Variants in CACNA1C observed in about 807,000 individuals in gnomAD.
The protein encoded by CACNA1C is voltage-dependent L-type calcium channel subunit alpha-1C.
In CACNA1C, 30 loss-of-function variants were observed where a neutral mutation model predicts 229.0. The observed-to-expected ratio is 0.13, with a 90% CI of 0.10 to 0.18. The LOEUF (loss-of-function observed/expected upper bound fraction) is 0.18. CACNA1C is among the 10% of genes least tolerant of loss of function. The probability of loss-of-function intolerance (pLI) is 1.00; values close to 1 mark genes in which losing one functional copy is unlikely to be tolerated. For synonymous variants in CACNA1C, 1,114 were observed against 1,132.5 expected, an observed-to-expected ratio of 0.98 and a Z score of 0.33; for missense variants, 1,658 against 2,845.0, an observed-to-expected ratio of 0.58 and a Z score of 9.49.
chr12:2,608,800 G>C lies in CACNA1C; in HGVS notation c.3558+88G>C. On this transcript the variant is annotated intron_variant, in intron 27 of 46. Transcript: ENST00000399655. The surrounding 1 kb of genome is among the most constrained non-coding windows in gnomAD (Gnocchi z 4.2). Reference sequence around the variant, plus strand: ...CACCCCGCAGAGGGGCTGCGACAGGGAGAGGCCGTGCAGATACTGAGATCG... The same window carrying C: ...CACCCCGCAGAGGGGCTGCGACAGGCAGAGGCCGTGCAGATACTGAGATCG... 1 of 1,318,126 alleles carries C rather than the reference G, an allele frequency of 7.6e-7. No individual in the cohort carries two copies. Among genetic ancestry groups the C allele is most frequent in the Non-Finnish European group, 1.1e-6 (1 of 936,504 alleles). The allele number at this position is 1,318,126 out of a possible 1,614,324, so 81.7% of individuals were successfully genotyped here.
At chr12:2,375,272 T>G (rs2098014886) in intron 3 of CACNA1C, among the ~76,000 whole-genome samples, 1 of 152,128 alleles carries the variant, frequency 6.6e-6, no homozygotes, top group African/African-American at 2.4e-5. Context: ...GCTGCCTCAG[T>G]GGGACAGGTT....
intron 5 of CACNA1C, among the ~76,000 whole-genome samples, chr12:2,484,922 T>A (rs936835447): frequency 8.6e-5 from 13 of 151,272 alleles, no homozygotes; most frequent in Admixed American, 4.6e-4. Flanking sequence ...TTTTTTTTTT[T>A]ATCTTCCCAG....
At chr12:2,326,653 C>A (rs1387069418) in intron 3 of CACNA1C, among the ~76,000 whole-genome samples, 1 of 152,240 alleles carries the variant, frequency 6.6e-6, no homozygotes, top group Non-Finnish European at 1.5e-5. Context: ...TACCTGCCTG[C>A]AACTCTTGGC....
At chr12:2,466,833 C>T (rs1234229292) in intron 5 of CACNA1C, among the ~76,000 whole-genome samples, 2 of 152,142 alleles carry the variant, frequency 1.3e-5, no homozygotes, top group Non-Finnish European at 2.9e-5. Context: ...ACATGCTCAT[C>T]CCCACCGCAC....
rs1449740971 is a variant in CACNA1C, at chr12:2,493,831, A to AT, written c.1113+446dup. On this transcript the variant is annotated intron_variant, in intron 7 of 46. Coordinates refer to ENST00000399655, the MANE Select transcript of CACNA1C (RefSeq NM_000719.7). The surrounding 1 kb of genome is among the most constrained non-coding windows in gnomAD (Gnocchi z 4.6). ...AGTCCTGATCTTCTAAAAAGAAGTT[A>AT]TATAAAGAAACCATTTTTATTGAAT... 1.3e-5 allele frequency among the ~76,000 whole-genome samples: 2 copies of AT among 152,236 alleles called. No homozygotes were observed. The highest frequency in any genetic ancestry group is 6.5e-5 in the Admixed American group (1 of 15,290).
chr12:2,089,428 C>T lies in CACNA1C; in HGVS notation c.50-25796C>T, dbSNP rs117735529. Among the ~76,000 whole-genome samples, 66 of 152,296 alleles carry T rather than the reference C, an allele frequency of 4.3e-4. 1 individual carries two copies. In the East Asian group the frequency reaches 0.013, roughly 29 times the overall value. On this transcript the variant is annotated intron_variant, in intron 1 of 46. Coordinates refer to ENST00000399655, the MANE Select transcript of CACNA1C (RefSeq NM_000719.7). Reference sequence around the variant, plus strand: ...ACCATGCTGGACGCCGTGCGAGGTACTTGGAGTAGTAAGACTTGACTCCTG... The same window carrying T: ...ACCATGCTGGACGCCGTGCGAGGTATTTGGAGTAGTAAGACTTGACTCCTG...
At chr12:2,155,723 G>A (rs959742458) in intron 3 of CACNA1C, among the ~76,000 whole-genome samples, 9 of 152,096 alleles carry the variant, frequency 5.9e-5, no homozygotes, top group South Asian at 2.1e-4. Flanking sequence ...CTTTCCTAGC[G>A]AAAACGGGCA....
chr12:2,384,914 C>T (rs2154546623), intron 3 of CACNA1C, among the ~76,000 whole-genome samples: 1 of 152,328 alleles, frequency 6.6e-6, no homozygotes, highest in Non-Finnish European at 1.5e-5. Context: ...AGGTACGTCT[C>T]TGTCCCATTC....
At chr12:2,499,094 G>A (rs2099753171) in intron 7 of CACNA1C, among the ~76,000 whole-genome samples, 1 of 152,130 alleles carries the variant, frequency 6.6e-6, no homozygotes, top group Non-Finnish European at 1.5e-5. Context: ...TGCAGGGGTG[G>A]GGAGCAGCCA....
Position 2,590,882 on chromosome 12 carries a change from A to G in CACNA1C, c.2531-2331A>G, listed in dbSNP as rs981852432. ...CTGAAAAGAATACAAACACCTAGGC[A>G]GGAATTTAAGATCCTTCTCAATTAA... On this transcript the variant is annotated intron_variant, in intron 18 of 46. Transcript: ENST00000399655. Among the ~76,000 whole-genome samples, 5 of 152,244 alleles carry G rather than the reference A, an allele frequency of 3.3e-5. No individual in the cohort carries two copies. The South Asian group carries it at 1.0e-3, about 32-fold the overall frequency.
At chr12:2,453,807 C>T (rs1359748544) in intron 4 of CACNA1C, among the ~76,000 whole-genome samples, 1 of 152,220 alleles carries the variant, frequency 6.6e-6, no homozygotes, top group Non-Finnish European at 1.5e-5. Context: ...CCAGCTACTC[C>T]ACCCTGCCCA....
At chr12:2,111,547 G>T (rs1460554708) in intron 1 of CACNA1C, among the ~76,000 whole-genome samples, 1 of 151,836 alleles carries the variant, frequency 6.6e-6, no homozygotes, top group African/African-American at 2.4e-5. Flanking sequence ...AAAGATTAAG[G>T]TCTGGGGACA....
At chr12:2,107,943 T>C (rs2079865239) in intron 1 of CACNA1C, among the ~76,000 whole-genome samples, 2 of 152,242 alleles carry the variant, frequency 1.3e-5, no homozygotes, top group South Asian at 2.1e-4. Context: ...TGGGCGCCTC[T>C]AGCCACATGT....
chr12:2,256,589 A>G lies in CACNA1C; in HGVS notation c.477+136159A>G, dbSNP rs137876180. Among the ~76,000 whole-genome samples the G allele has an allele frequency of 3.0e-3, 464 of 152,342 alleles. 4 individuals carry two copies. Among genetic ancestry groups the G allele is most frequent in the Admixed American group, 8.3e-3 (127 of 15,304 alleles). ...GATAAAACACACCAGTTAACCAGTT[A>G]GAGATGACGAGAAGATGGTGCAAGA... is the stretch of plus-strand genomic sequence containing the variant. On this transcript the variant is annotated intron_variant, in intron 3 of 46. Coordinates refer to ENST00000399655, the MANE Select transcript of CACNA1C (RefSeq NM_000719.7).
At chr12:2,431,864 A>C (rs1422731378) in intron 3 of CACNA1C, among the ~76,000 whole-genome samples, 2 of 152,172 alleles carry the variant, frequency 1.3e-5, no homozygotes, top group Non-Finnish European at 2.9e-5. Context: ...GGGCACTGTG[A>C]GCCCTGGTGT....
chr12:2,205,603 G>C (rs974039606), intron 3 of CACNA1C, among the ~76,000 whole-genome samples: 7 of 152,208 alleles, frequency 4.6e-5, no homozygotes, highest in African/African-American at 1.7e-4. Context: ...TGCATTGCAA[G>C]TGCTGGCATC....
intron 4 of CACNA1C, among the ~76,000 whole-genome samples, chr12:2,450,464 G>A (rs1186440753): frequency 5.7e-5 from 8 of 141,378 alleles, no homozygotes; most frequent in Admixed American, 4.6e-4. Context: ...TGAGGCAGGA[G>A]AATGGCGTGA....
At chr12:2,590,326 G>A (rs2283326) in intron 18 of CACNA1C, among the ~76,000 whole-genome samples, 93,174 of 152,072 alleles carry the variant, frequency 0.61, 32,878 homozygotes, top group Non-Finnish European at 0.78. Flanking sequence ...CAACTCCAGC[G>A]TGCAGCAGCA....
At chr12:2,590,676 C>T (rs2064846508) in intron 18 of CACNA1C, among the ~76,000 whole-genome samples, 2 of 152,182 alleles carry the variant, frequency 1.3e-5, no homozygotes, top group Non-Finnish European at 2.9e-5. Context: ...CATGGAGCTT[C>T]ATAAACGGGG....
Sources: allele counts gnomAD v4.1 joint callset (sites outside exome capture counted in the v4.1 genomes callset), GRCh38; gene constraint gnomAD v4.1.1; non-coding constraint Gnocchi (gnomAD v3.1); transcripts MANE v1.5; gene names NCBI Gene and HGNC (gene_info 2026-07-23, HGNC 2026-07-21).